DLAT: variants seen among roughly 807,000 people sequenced by gnomAD.
DLAT encodes the protein dihydrolipoyllysine-residue acetyltransferase component of pyruvate dehydrogenase complex, mitochondrial.
Under a neutral mutation model 68.0 loss-of-function variants are expected in DLAT, and 43 were observed. The ratio of observed to expected loss-of-function variants is 0.63; its 90% CI spans 0.50 to 0.81. The LOEUF is 0.81. DLAT is among the 40% of genes least tolerant of loss of function. DLAT has a pLI of 0.00. For missense variants in DLAT, 745 were observed against 815.4 expected, an observed-to-expected ratio of 0.91 and a Z score of 1.05; for synonymous variants, 265 against 288.6, an observed-to-expected ratio of 0.92 and a Z score of 0.83.
At chr11:112,049,263 T>C (rs1555181779) in intron 10 of DLAT, among the ~76,000 whole-genome samples, 1 of 152,182 alleles carries the variant, frequency 6.6e-6, no homozygotes, top group African/African-American at 2.4e-5. Flanking sequence ...AATTTCTGCA[T>C]TGAAGCCAGT....
intron 2 of DLAT, among the ~76,000 whole-genome samples, chr11:112,027,595 T>C (rs1291098546): frequency 2.0e-5 from 3 of 152,044 alleles, no homozygotes; most frequent in Admixed American, 2.0e-4. Context: ...GCCACTGCAC[T>C]CCAGCCTGGG....
At chr11:112,037,533 T>C in intron 6 of DLAT, 73 bp downstream of exon 6, 1 of 1,439,950 alleles carries the variant, frequency 6.9e-7, no homozygotes. Flanking sequence ...GATTAGATGA[T>C]ATCCTAGGTT....
At chr11:112,036,213 T>TG (rs1862763204) in intron 5 of DLAT, among the ~76,000 whole-genome samples, 1 of 99,692 alleles carries the variant, frequency 1.0e-5, no homozygotes, top group African/African-American at 4.5e-5. Flanking sequence ...TTTTTTTTTT[T>TG]TTTTTTTTTT....
chr11:112,037,558 G>C, intron 6 of DLAT, 98 bp downstream of exon 6: 1 of 1,170,740 alleles, frequency 8.5e-7, no homozygotes, highest in Non-Finnish European at 1.3e-6. Context: ...CCACCTCCAA[G>C]ATTCTATGAC....
chr11:112,057,168 T>C (rs1422407750), intron 11 of DLAT, among the ~76,000 whole-genome samples: 3 of 152,262 alleles, frequency 2.0e-5, no homozygotes, highest in African/African-American at 7.2e-5. Context: ...GCATGTGTTC[T>C]GACTGGTTGA....
chr11:112,045,645 A>G lies in DLAT; in HGVS notation c.1291-218A>G, dbSNP rs1435691432. Among the ~76,000 whole-genome samples, 4 of 151,268 alleles carry G rather than the reference A, an allele frequency of 2.6e-5. No individual in the cohort carries two copies. In the East Asian group the frequency reaches 7.8e-4, roughly 29 times the overall value. ...GGAGGTTGTGGTGAGCCGAGATCGCACCACCGCACTCCAGCCTGGGCAACA... is the reference window on the plus strand; with the variant it reads ...GGAGGTTGTGGTGAGCCGAGATCGCGCCACCGCACTCCAGCCTGGGCAACA... On this transcript the variant is annotated intron_variant, in intron 9 of 13. Transcript: ENST00000280346.
rs1229289573 is a variant in DLAT at position 112,062,832 on chromosome 11, C to T, written c.*297C>T. On this transcript the variant is annotated 3_prime_UTR_variant, in exon 14 of 14. Coordinates refer to ENST00000280346, the MANE Select transcript of DLAT (RefSeq NM_001931.5). ...ATAAGTACTTCCTCTAGGAAATGTA[C>T]GATAGGTAGAATTGTGGTTCCCTAA... The T allele has an allele frequency of 1.4e-5, 5 of 360,412 alleles. No homozygotes were observed. The highest frequency in any genetic ancestry group is 2.1e-5 in the Non-Finnish European group (4 of 188,502). The allele number at this position is 360,412 out of a possible 1,614,324, so 22.3% of individuals were successfully genotyped here. A position where few individuals can be genotyped will look rare whatever the true frequency, so the allele number is the denominator to read the frequency against.
intron 7 of DLAT, among the ~76,000 whole-genome samples, chr11:112,040,081 A>C (rs1555180902): frequency 6.6e-6 from 1 of 152,222 alleles, no homozygotes; most frequent in Non-Finnish European, 1.5e-5. Context: ...ATAACAGGTG[A>C]AGTGCTTAGA....
chr11:112,056,566 C>G (rs587652681), intron 11 of DLAT, among the ~76,000 whole-genome samples: 1 of 152,078 alleles, frequency 6.6e-6, no homozygotes, highest in Non-Finnish European at 1.5e-5. Flanking sequence ...ATCAATATAC[C>G]TCTTTATCAT....
In DLAT at chr11:112,026,245, C is replaced by A. The variant is rs1861993477; in HGVS notation, c.327C>A (p.Ala109=). The A allele has an allele frequency of 4.3e-6, 7 of 1,610,254 alleles. No homozygotes were observed. Among genetic ancestry groups the A allele is most frequent in the Non-Finnish European group, 5.9e-6 (7 of 1,178,420 alleles). ...LSPTMQAGTI[A]RWEKKEGDKI... The stretch of plus-strand genomic sequence containing the variant: ...CCACAATGCAGGCAGGCACCATAGC[C>A]CGTTGGGAAAAAAAAGAGGGGGACA... Residue 109 remains alanine (A), a synonymous_variant, in exon 2 of 14, where the codon GCC becomes GCA. Coordinates refer to ENST00000280346, the MANE Select transcript of DLAT (RefSeq NM_001931.5).
rs185445602 is a variant in DLAT at position 112,053,186 on chromosome 11, G to A, written c.1514+1837G>A. Reference sequence around the variant, plus strand: ...AAAATACAAAAATTAGCTGAGCGTGGTGGTGCATGCCTGTAATCTCAGCTA... The same window carrying A: ...AAAATACAAAAATTAGCTGAGCGTGATGGTGCATGCCTGTAATCTCAGCTA... On this transcript the variant is annotated intron_variant, in intron 11 of 13. Coordinates refer to ENST00000280346, the MANE Select transcript of DLAT (RefSeq NM_001931.5). Among the ~76,000 whole-genome samples, 68 of 152,172 alleles carry A rather than the reference G, an allele frequency of 4.5e-4. 1 individual carries two copies. Among genetic ancestry groups the A allele is most frequent in the African/African-American group, 1.6e-3 (68 of 41,512 alleles).
At chr11:112,031,298 C>T (rs797026545) in intron 4 of DLAT, among the ~76,000 whole-genome samples, 1 of 152,112 alleles carries the variant, frequency 6.6e-6, no homozygotes, top group African/African-American at 2.4e-5. Context: ...AGTGGATACA[C>T]AAGCCATATA....
intron 5 of DLAT, among the ~76,000 whole-genome samples, chr11:112,033,966 C>T (rs1862556925): frequency 6.6e-6 from 1 of 152,202 alleles, no homozygotes; most frequent in South Asian, 2.1e-4. Context: ...TCAAGCGATC[C>T]TCCTGCCTTG....
intron 11 of DLAT, among the ~76,000 whole-genome samples, chr11:112,055,993 G>A (rs1248743185): frequency 1.3e-5 from 2 of 148,500 alleles, no homozygotes; most frequent in Non-Finnish European, 3.0e-5. Context: ...TCAGCCTCCC[G>A]AGTAGCTGGG....
chr11:112,040,488 G>C (rs781967763), intron 7 of DLAT, among the ~76,000 whole-genome samples: 3 of 152,074 alleles, frequency 2.0e-5, no homozygotes, highest in Non-Finnish European at 4.4e-5. Flanking sequence ...CTGTTTTGAT[G>C]CTCTGCCATC....
chr11:112,034,734 G>A (rs1555180263), intron 5 of DLAT, among the ~76,000 whole-genome samples: 1 of 150,774 alleles, frequency 6.6e-6, no homozygotes, highest in African/African-American at 2.4e-5. Context: ...GAGCCATGGC[G>A]ATTTGTAGTA....
At chr11:112,034,407 A>T (rs1339619507) in intron 5 of DLAT, among the ~76,000 whole-genome samples, 3 of 151,894 alleles carry the variant, frequency 2.0e-5, no homozygotes, top group Non-Finnish European at 2.9e-5. Flanking sequence ...TTTTTAGGCT[A>T]AAAAAACCCA....
chr11:112,030,434 C>G, intron 4 of DLAT: 1 of 360,248 alleles, frequency 2.8e-6, no homozygotes, highest in Non-Finnish European at 5.4e-6. Flanking sequence ...GGACAGACAT[C>G]CAAGCTGTAT....
Position 112,033,439 on chromosome 11 carries a change from G to A in DLAT, c.696G>A (p.Met232Ile). The change falls in exon 5 of 14, where the codon ATG becomes ATA. Residue 232 changes from methionine to isoleucine, a missense_variant. Physicochemically the swap from Met to Ile is conservative, Grantham distance 10. Coordinates refer to ENST00000280346, the MANE Select transcript of DLAT (RefSeq NM_001931.5). ...LLPALSPTMT[M>I]GTVQRWEKKV... ...CTGCCCTCTCTCCCACCATGACCAT[G>A]GGCACAGTTCAGAGATGGGAAAAAA... The A allele has an allele frequency of 1.2e-6, 2 of 1,613,850 alleles. No individual in the cohort carries two copies. Among genetic ancestry groups the A allele is most frequent in the Non-Finnish European group, 1.7e-6 (2 of 1,179,892 alleles).
Sources: allele counts gnomAD v4.1 joint callset (sites outside exome capture counted in the v4.1 genomes callset), GRCh38; gene constraint gnomAD v4.1.1; transcripts MANE v1.5; gene names NCBI Gene and HGNC (gene_info 2026-07-23, HGNC 2026-07-21).